IL31RA: variants seen among roughly 807,000 people sequenced by gnomAD.
The protein encoded by IL31RA is interleukin-31 receptor subunit alpha.
IL31RA carries 66 observed loss-of-function variants against 83.7 expected under a neutral mutation model. The ratio of observed to expected loss-of-function variants is 0.79; its 90% confidence interval spans 0.65 to 0.97. The LOEUF is 0.97. Ranked by LOEUF, IL31RA falls within the 50% of genes least tolerant of loss-of-function variation. The pLI is 0.00. For synonymous variants in IL31RA, 325 were observed against 329.0 expected, an observed-to-expected ratio of 0.99 and a Z score of 0.13; for missense variants, 798 against 919.4, an observed-to-expected ratio of 0.87 and a Z score of 1.71.
At chr5:55,874,370 T>C (rs913282256) in intron 4 of IL31RA, among the ~76,000 whole-genome samples, 3 of 152,088 alleles carry the variant, frequency 2.0e-5, no homozygotes, top group Admixed American at 6.5e-5. Flanking sequence ...TTTTTCAAGA[T>C]TGTTTTAGCT....
At chr5:55,859,984 C>G (rs1745575700) in intron 2 of IL31RA, among the ~76,000 whole-genome samples, 1 of 152,086 alleles carries the variant, frequency 6.6e-6, no homozygotes, top group African/African-American at 2.4e-5. Flanking sequence ...CACATATATA[C>G]CTATGATGAA....
chr5:55,867,178 TGC>T (rs1491425534), intron 2 of IL31RA, among the ~76,000 whole-genome samples: 4 of 77,920 alleles, frequency 5.1e-5, no homozygotes, highest in African/African-American at 1.3e-4. Context: ...CATGTGTGTG[TGC>T]ATGTGTGTTT....
intron 2 of IL31RA, chr5:55,866,874 C>T (rs1484123875): frequency 6.6e-6 from 1 of 152,222 alleles, no homozygotes; most frequent in Non-Finnish European, 1.5e-5. Context: ...TTTCCTACTT[C>T]TTGTCTGGTA....
At chr5:55,895,249 G>A (rs555649801) in intron 6 of IL31RA, among the ~76,000 whole-genome samples, 3 of 152,144 alleles carry the variant, frequency 2.0e-5, no homozygotes, top group Non-Finnish European at 2.9e-5. Context: ...GCCGCTAGCC[G>A]TCTCGACATT....
intron 13 of IL31RA, among the ~76,000 whole-genome samples, chr5:55,914,633 C>G (rs1470720481): frequency 6.6e-6 from 1 of 152,138 alleles, no homozygotes; most frequent in Non-Finnish European, 1.5e-5. Flanking sequence ...GGGAGAGTCT[C>G]CTTTGATCAC....
chr5:55,899,575 G>T (rs966252979), intron 7 of IL31RA, among the ~76,000 whole-genome samples: 13 of 152,262 alleles, frequency 8.5e-5, no homozygotes, highest in African/African-American at 3.1e-4. Flanking sequence ...GGCTGAGAGG[G>T]AATGTGTCAG....
At chr5:55,871,275 A>G (rs1360830394) in intron 3 of IL31RA, among the ~76,000 whole-genome samples, 1 of 151,496 alleles carries the variant, frequency 6.6e-6, no homozygotes, top group East Asian at 1.9e-4. Context: ...ACCATCAACC[A>G]CTCTTGAGGT....
In IL31RA at chr5:55,868,908, A is replaced by G; in HGVS notation, c.272A>G (p.Tyr91Cys). Residue 91 changes from tyrosine to cysteine, a missense_variant and splice_region_variant, in exon 3 of 15, where the codon TAC becomes TGC. Physicochemically the swap from Tyr to Cys is radical, Grantham distance 194. Transcript: ENST00000652347. ...ACCCAGTACACAGTTAAGAGAACTT[A>G]GTAAGTACAGGAGCTTGTGTTTTAT... ...SYTQYTVKRT[Y>C]AFGEKHDNCT... The G allele has an allele frequency of 7.0e-7, 1 of 1,429,436 alleles. No homozygotes were observed. Among genetic ancestry groups the G allele is most frequent in the Non-Finnish European group, 9.9e-7 (1 of 1,012,294 alleles). The allele number at this position is 1,429,436 out of a possible 1,614,324, so 88.5% of individuals were successfully genotyped here. A position where few individuals can be genotyped will look rare whatever the true frequency, so the allele number is the denominator to read the frequency against.
At position 55,918,002 on chromosome 5, in the gene IL31RA, G is replaced by A. The variant is rs1271500826; in HGVS notation, c.*882G>A. The stretch of plus-strand genomic sequence containing the variant: ...CTCTTCCCGGAAGCAGCAGGGCAGG[G>A]CCTGGGAACATGCAATGCCTAGCAA... On this transcript the variant is annotated 3_prime_UTR_variant, in exon 15 of 15. Coordinates refer to ENST00000652347, the MANE Select transcript of IL31RA (RefSeq NM_139017.7). Among the ~76,000 whole-genome samples, 1 of 152,228 alleles carries A rather than the reference G, an allele frequency of 6.6e-6. No individual in the cohort carries two copies. Among genetic ancestry groups the A allele is most frequent in the East Asian group, 1.9e-4 (1 of 5,206 alleles).
intron 7 of IL31RA, among the ~76,000 whole-genome samples, chr5:55,897,685 G>A (rs1207288880): frequency 1.3e-5 from 2 of 152,176 alleles, no homozygotes; most frequent in Non-Finnish European, 2.9e-5. Context: ...GAAGAGGGAA[G>A]AGGACCTGAG....
chr5:55,853,901 G>A (rs1381419799), intron 1 of IL31RA, among the ~76,000 whole-genome samples: 1 of 152,202 alleles, frequency 6.6e-6, no homozygotes, highest in Non-Finnish European at 1.5e-5. Context: ...TTCATGGCAG[G>A]AGAGCTGAGA....
chr5:55,851,649 G>C lies in IL31RA; in HGVS notation c.63+16G>C, dbSNP rs1050351274. On this transcript the variant is annotated intron_variant, in intron 1 of 14. Coordinates refer to ENST00000652347, the MANE Select transcript of IL31RA (RefSeq NM_139017.7). Reference sequence around the variant, plus strand: ...GCAAAACATTGTGAGTATTGATTTGGGGGGTTACAAATAATTCCTAGCAAG... The same window carrying C: ...GCAAAACATTGTGAGTATTGATTTGCGGGGTTACAAATAATTCCTAGCAAG... The C allele has an allele frequency of 1.2e-6, 2 of 1,613,800 alleles. No homozygotes were observed. Among genetic ancestry groups the C allele is most frequent in the Admixed American group, 3.3e-5 (2 of 60,002 alleles).
chr5:55,851,644 A>G lies in IL31RA; in HGVS notation c.63+11A>G. 6.2e-7 allele frequency: 1 copy of G among 1,613,796 alleles called. No homozygotes were observed. Among genetic ancestry groups the G allele is most frequent in the Non-Finnish European group, 8.5e-7 (1 of 1,179,800 alleles). On this transcript the variant is annotated intron_variant, in intron 1 of 14. Transcript: ENST00000652347. ...TGTCCGCAAAACATTGTGAGTATTG[A>G]TTTGGGGGGTTACAAATAATTCCTA...
At chr5:55,889,443 G>A (rs1409861098) in intron 5 of IL31RA, among the ~76,000 whole-genome samples, 1 of 152,208 alleles carries the variant, frequency 6.6e-6, no homozygotes, top group Non-Finnish European at 1.5e-5. Flanking sequence ...TGGGTAAAAC[G>A]AAAAAGCCGA....
At chr5:55,867,308 T>TGTGC (rs1289594048) in intron 2 of IL31RA, among the ~76,000 whole-genome samples, 2 of 148,946 alleles carry the variant, frequency 1.3e-5, no homozygotes, top group South Asian at 2.1e-4. Context: ...TGTGTGCGTG[T>TGTGC]GTGTGTGTGC....
chr5:55,887,246 C>T (rs1421913803), intron 5 of IL31RA, among the ~76,000 whole-genome samples: 1 of 152,170 alleles, frequency 6.6e-6, no homozygotes, highest in African/African-American at 2.4e-5. Flanking sequence ...ATGTTGAAAG[C>T]TTAAATCATC....
chr5:55,851,545 G>A lies in IL31RA; in HGVS notation c.-26G>A, dbSNP rs1395429352. ...GAAAATTGAGACAGGAAGGCAGAGT[G>A]TCAGCTTGTTCCACCTCAGCTGGGA... is the stretch of plus-strand genomic sequence containing the variant. On this transcript the variant is annotated 5_prime_UTR_variant, in exon 1 of 15. Transcript: ENST00000652347. 7 of 1,614,014 alleles carry A rather than the reference G, an allele frequency of 4.3e-6. No individual in the cohort carries two copies. Among genetic ancestry groups the A allele is most frequent in the Non-Finnish European group, 5.9e-6 (7 of 1,179,916 alleles).
chr5:55,853,683 C>T, intron 1 of IL31RA: 1 of 1,031,420 alleles, frequency 9.7e-7, no homozygotes, highest in Non-Finnish European at 1.4e-6. Context: ...GTGAATTTCT[C>T]CTTGAACTGG....
chr5:55,886,148 C>T (rs1747585059), intron 5 of IL31RA, among the ~76,000 whole-genome samples: 1 of 152,082 alleles, frequency 6.6e-6, no homozygotes, highest in African/African-American at 2.4e-5. Flanking sequence ...ATCTTTGCTT[C>T]CTGCCAGTCC....
Sources: gnomAD v4.1 joint callset for allele counts (sites outside exome capture counted in the v4.1 genomes callset) on GRCh38, gnomAD v4.1.1 for gene constraint, MANE v1.5 for transcripts, NCBI Gene and HGNC (gene_info 2026-07-23, HGNC 2026-07-21) for gene names.